Variants in UTP20 observed in about 807,000 individuals in gnomAD.
UTP20 encodes the protein UTP20 small subunit processome component, also known as small subunit processome component 20 homolog.
UTP20 carries 164 observed loss-of-function variants against 329.5 expected under a neutral mutation model. The observed-to-expected ratio is 0.50, with a 90% CI of 0.44 to 0.57. The LOEUF (loss-of-function observed/expected upper bound fraction) is 0.57, where lower values mean the gene tolerates loss of function less well. Among genes scored for constraint, UTP20 ranks in the 20% least tolerant of loss-of-function variants. The probability of loss-of-function intolerance (pLI) is 0.00; values close to 1 mark genes in which losing one functional copy is unlikely to be tolerated. For synonymous variants in UTP20, 1,151 were observed against 1,159.3 expected, an observed-to-expected ratio of 0.99 and a Z score of 0.14; for missense variants, 3,055 against 3,284.2, an observed-to-expected ratio of 0.93 and a Z score of 1.71.
chr12:101,379,321 CT>C (rs1366905804), intron 56 of UTP20, 49 bp from the exon 57 acceptor site: 6 of 1,488,736 alleles, frequency 4.0e-6, no homozygotes, highest in Non-Finnish European at 5.4e-6. Flanking sequence ...ATATTTACCT[CT>C]AATCAGGAAG....
At chr12:101,314,885 G>A (rs1872918089) in intron 21 of UTP20, among the ~76,000 whole-genome samples, 1 of 151,734 alleles carries the variant, frequency 6.6e-6, no homozygotes, top group Admixed American at 6.6e-5. Flanking sequence ...CAGATCACAT[G>A]AGGTCAGGAG....
chr12:101,373,340 T>C, intron 52 of UTP20, 61 bp from the exon 53 acceptor site: 2 of 1,473,940 alleles, frequency 1.4e-6, no homozygotes, highest in South Asian at 2.4e-5. Context: ...TTTTCATTTT[T>C]TAAATAATTA....
chr12:101,289,173 T>TA, intron 6 of UTP20, 132 bp downstream of exon 6: 1 of 732,706 alleles, frequency 1.4e-6, no homozygotes, highest in Non-Finnish European at 2.2e-6. Context: ...GGTCAGGAAT[T>TA]GGAGACCAGC....
intron 25 of UTP20, 86 bp downstream of exon 25, chr12:101,321,715 G>A (rs1868377566): frequency 1.4e-6 from 2 of 1,452,046 alleles, no homozygotes; most frequent in African/African-American, 1.4e-5. Flanking sequence ...TTCAACAACT[G>A]TAATAGAATA....
chr12:101,300,234 A>G (rs73159719), intron 14 of UTP20, among the ~76,000 whole-genome samples, 173 bp downstream of exon 14: 27,642 of 152,186 alleles, frequency 0.18, 3,070 homozygotes, highest in East Asian at 0.37. Context: ...TGTACCACAT[A>G]ATGTGGTGAC....
At chr12:101,373,957 C>T (rs563473924) in intron 54 of UTP20, among the ~76,000 whole-genome samples, 190 bp downstream of exon 54, 10 of 152,238 alleles carry the variant, frequency 6.6e-5, no homozygotes, top group East Asian at 5.8e-4. Flanking sequence ...TAATATAGGC[C>T]GGGCGCGGTG....
At chr12:101,351,977 T>C in intron 38 of UTP20, 78 bp from the exon 39 acceptor site, 1 of 1,543,672 alleles carries the variant, frequency 6.5e-7, no homozygotes, top group Non-Finnish European at 8.8e-7. Flanking sequence ...CTTACTAACT[T>C]TTTCAATATA....
chr12:101,385,211 C>CAAA (rs1870785680), intron 60 of UTP20, among the ~76,000 whole-genome samples: 1 of 151,620 alleles, frequency 6.6e-6, no homozygotes, highest in Non-Finnish European at 1.5e-5. Flanking sequence ...AACAGGTAAA[C>CAAA]AGAGGTAATT....
intron 50 of UTP20, 148 bp downstream of exon 50, chr12:101,370,711 C>T: frequency 1.2e-6 from 1 of 848,378 alleles, no homozygotes; most frequent in Non-Finnish European, 1.8e-6. Context: ...GGGTCAATTA[C>T]AGGTGAACAT....
chr12:101,331,352 ATAT>A (rs1296433491), intron 27 of UTP20, among the ~76,000 whole-genome samples: 4 of 152,192 alleles, frequency 2.6e-5, no homozygotes. Flanking sequence ...GCTCCATATA[ATAT>A]GTTTTTTCAA....
At chr12:101,369,695 G>A (rs990759260) in intron 48 of UTP20, 26 bp from the exon 49 acceptor site, 5 of 1,250,832 alleles carry the variant, frequency 4.0e-6, no homozygotes, top group Non-Finnish European at 3.5e-6. Context: ...TCACAAGTTG[G>A]TGGTGTTTTG....
At chr12:101,362,816 T>C (rs1219377393) in intron 44 of UTP20, among the ~76,000 whole-genome samples, 2 of 132,602 alleles carry the variant, frequency 1.5e-5, no homozygotes, top group Non-Finnish European at 2.9e-5. Flanking sequence ...ATGTAGACAC[T>C]AACATTTTGA....
chr12:101,352,244 G>A (rs781029668), intron 39 of UTP20, 50 bp downstream of exon 39: 23 of 1,564,684 alleles, frequency 1.5e-5, no homozygotes, highest in Non-Finnish European at 1.8e-5. Context: ...GTAATTTATG[G>A]CTGCATAGTA....
chr12:101,306,644 G>A, intron 16 of UTP20, 55 bp from the exon 17 acceptor site: 1 of 1,508,340 alleles, frequency 6.6e-7, no homozygotes, highest in South Asian at 1.2e-5. Flanking sequence ...CTGTGAATCA[G>A]TTTCTTTTTA....
rs908608762 is a variant in UTP20, at chr12:101,297,893, C to T, written c.1431-1789C>T. ...GGTGACGTGTTAAATAAATAAATTT[C>T]GATGTGCTAACTCATGGCAAGTTCT... On this transcript the variant is annotated intron_variant, in intron 12 of 61. Transcript: ENST00000261637. Among the ~76,000 whole-genome samples, 8 of 152,154 alleles carry T rather than the reference C, an allele frequency of 5.3e-5. No individual in the cohort carries two copies. In the East Asian group the frequency reaches 1.3e-3, roughly 26 times the overall value.
chr12:101,282,475 T>G (rs1288989889), intron 2 of UTP20, among the ~76,000 whole-genome samples: 2 of 151,256 alleles, frequency 1.3e-5, no homozygotes, highest in Non-Finnish European at 3.0e-5. Context: ...TTTTTTTTTG[T>G]ATTCATGGTG....
intron 60 of UTP20, among the ~76,000 whole-genome samples, chr12:101,383,930 C>T (rs1044810171): frequency 6.6e-6 from 1 of 151,794 alleles, no homozygotes; most frequent in South Asian, 2.1e-4. Context: ...TCTCAAACTC[C>T]TGGCTTCAAG....
intron 49 of UTP20, 132 bp downstream of exon 49, chr12:101,370,023 G>C: frequency 1.2e-6 from 1 of 857,046 alleles, no homozygotes; most frequent in Non-Finnish European, 1.7e-6. Flanking sequence ...AGACCAGCTG[G>C]GTCAGCATAA....
intron 14 of UTP20, among the ~76,000 whole-genome samples, chr12:101,301,604 G>A (rs1316054543): frequency 6.6e-6 from 1 of 151,848 alleles, no homozygotes; most frequent in Non-Finnish European, 1.5e-5. Context: ...GGAAGTGGAG[G>A]TTGCAGTGAG....
Sources: gnomAD v4.1 joint callset for allele counts (sites outside exome capture counted in the v4.1 genomes callset) on GRCh38, gnomAD v4.1.1 for gene constraint, MANE v1.5 for transcripts, NCBI Gene and HGNC (gene_info 2026-07-23, HGNC 2026-07-21) for gene names.